PCDHA8: variants seen among roughly 807,000 people sequenced by gnomAD.
The protein encoded by PCDHA8 is protocadherin alpha 8.
A neutral mutation model predicts 61.8 loss-of-function variants in PCDHA8; 53 were observed. The observed-to-expected ratio is 0.86, with a 90% confidence interval of 0.69 to 1.08. PCDHA8 has a LOEUF of 1.08. Ranked by LOEUF, PCDHA8 falls within the 50% of genes least tolerant of loss-of-function variation. PCDHA8 has a pLI of 0.00. For missense variants in PCDHA8, 1,293 were observed against 1,245.0 expected, an observed-to-expected ratio of 1.04 and a Z score of -0.58; for synonymous variants, 618 against 556.6, an observed-to-expected ratio of 1.11 and a Z score of -1.55.
chr5:140,995,654 A>C (rs1183016354), intron 3 of PCDHA8, among the ~76,000 whole-genome samples: 2 of 152,184 alleles, frequency 1.3e-5, no homozygotes, highest in Non-Finnish European at 1.5e-5. Flanking sequence ...AGGAGAATCG[A>C]AAAGGGAAGT....
At chr5:140,968,961 A>G (rs1554231270) in intron 1 of PCDHA8, 1 of 1,614,088 alleles carries the variant, frequency 6.2e-7, no homozygotes, top group African/African-American at 1.3e-5. Context: ...ATCAAGTGCT[A>G]CCGCTACACT....
At chr5:141,005,633 C>T (rs1292206901) in intron 3 of PCDHA8, among the ~76,000 whole-genome samples, 2 of 126,368 alleles carry the variant, frequency 1.6e-5, no homozygotes. Context: ...ACCCGGGAGG[C>T]GGAGCTTGCA....
chr5:140,865,903 ATCTT>A (rs1453140496), intron 1 of PCDHA8: 10 of 152,252 alleles, frequency 6.6e-5, no homozygotes, highest in African/African-American at 1.9e-4. Flanking sequence ...GTACAGGCAA[ATCTT>A]TCTTTCTGTT....
At chr5:140,882,545 G>C (rs1174281421) in intron 1 of PCDHA8, 1 of 1,614,120 alleles carries the variant, frequency 6.2e-7, no homozygotes, top group African/African-American at 1.3e-5. Flanking sequence ...GATCGACCGC[G>C]AGGAGCTGTG....
At chr5:140,868,631 TTCTC>T (rs1180172037) in intron 1 of PCDHA8, 2 of 154,616 alleles carry the variant, frequency 1.3e-5, no homozygotes, top group African/African-American at 4.8e-5. Flanking sequence ...TGAATTCTCT[TTCTC>T]TCTCACTCTG....
intron 1 of PCDHA8, among the ~76,000 whole-genome samples, chr5:140,890,189 G>C (rs1262049301): frequency 1.3e-5 from 2 of 152,102 alleles, no homozygotes; most frequent in Non-Finnish European, 2.9e-5. Context: ...CTACAAAACA[G>C]AGTTTTTTGT....
intron 1 of PCDHA8, among the ~76,000 whole-genome samples, chr5:140,888,860 A>C (rs1349587487): frequency 6.6e-6 from 1 of 152,086 alleles, no homozygotes; most frequent in Non-Finnish European, 1.5e-5. Flanking sequence ...GAGTGAGACC[A>C]TGTCTCAACA....
chr5:141,011,822 A>G lies in PCDHA8; in HGVS notation c.*1885A>G, dbSNP rs181852141. 7 of 153,844 alleles carry G rather than the reference A, an allele frequency of 4.6e-5. No homozygotes were observed. The highest frequency in any genetic ancestry group is 1.4e-4 in the African/African-American group (6 of 41,546). The allele number at this position is 153,844 out of a possible 1,614,324, so 9.5% of individuals were successfully genotyped here. A position where few individuals can be genotyped will look rare whatever the true frequency, so the allele number is the denominator to read the frequency against. On this transcript the variant is annotated 3_prime_UTR_variant, in exon 4 of 4. Transcript: ENST00000531613. ...ATATCAGCTCATAGAAAGTAACAAA[A>G]TTTGCTGTCACCTTAAATAAGACAT...
chr5:140,929,138 G>C (rs150967804), intron 1 of PCDHA8: 183 of 1,614,054 alleles, frequency 1.1e-4, no homozygotes, highest in Non-Finnish European at 1.5e-4. Context: ...ACAGTTGAGA[G>C]ACTTTCTCAG....
chr5:140,941,191 T>TTTC (rs1487503403), intron 1 of PCDHA8, among the ~76,000 whole-genome samples: 199 of 93,252 alleles, frequency 2.1e-3, no homozygotes, highest in Middle Eastern at 0.015. Flanking sequence ...GCTTCTTTTT[T>TTTC]TTTCTTTCTT....
chr5:140,857,393 G>T, intron 1 of PCDHA8: 1 of 1,598,492 alleles, frequency 6.3e-7, no homozygotes, highest in South Asian at 1.1e-5. Context: ...CGACGTGAAC[G>T]ACAACGCGCC....
intron 1 of PCDHA8, among the ~76,000 whole-genome samples, chr5:140,945,624 C>T (rs1248945489): frequency 6.6e-6 from 1 of 152,028 alleles, no homozygotes; most frequent in African/African-American, 2.4e-5. Flanking sequence ...ATGGTACTGG[C>T]ATAAAAGACA....
At chr5:140,971,743 A>G (rs979953004) in intron 1 of PCDHA8, among the ~76,000 whole-genome samples, 1 of 151,474 alleles carries the variant, frequency 6.6e-6, no homozygotes, top group African/African-American at 2.4e-5. Flanking sequence ...ACACATACAT[A>G]TATCTCATAT....
Position 140,851,360 on chromosome 5 carries a change from A to C in PCDHA8, c.2394+7645A>C, listed in dbSNP as rs1554145369. 3.1e-6 allele frequency: 3 copies of C among 978,096 alleles called. No homozygotes were observed. In the African/African-American group the frequency reaches 5.2e-5, roughly 17 times the overall value. 60.6% of individuals were successfully genotyped at this position (978,096 alleles called of 1,614,324 possible). On this transcript the variant is annotated intron_variant, in intron 1 of 3. Transcript: ENST00000531613. ...TACATTTCTCTGGATGGAGACTGTG[A>C]ACATCTGATTGTTCAGCAACCTTCA...
At chr5:140,952,057 C>T (rs1214818651) in intron 1 of PCDHA8, among the ~76,000 whole-genome samples, 1 of 152,164 alleles carries the variant, frequency 6.6e-6, no homozygotes, top group Non-Finnish European at 1.5e-5. Flanking sequence ...AATCTTAAAG[C>T]TCCAAATAAT....
At chr5:140,951,373 C>T (rs1554219872) in intron 1 of PCDHA8, among the ~76,000 whole-genome samples, 1 of 151,996 alleles carries the variant, frequency 6.6e-6, no homozygotes, top group Non-Finnish European at 1.5e-5. Context: ...AAAGAAACAC[C>T]CAAGACTCGG....
intron 3 of PCDHA8, among the ~76,000 whole-genome samples, chr5:141,004,893 C>A (rs1339074840): frequency 1.3e-5 from 2 of 152,154 alleles, no homozygotes; most frequent in African/African-American, 4.8e-5. Flanking sequence ...ATTGTGTCAG[C>A]TCTGCCAGGG....
chr5:140,925,641 TATAATA>T (rs10569930), intron 1 of PCDHA8, among the ~76,000 whole-genome samples: 8,694 of 143,320 alleles, frequency 0.061, 267 homozygotes, highest in Non-Finnish European at 0.068. Flanking sequence ...GAACTTAAAG[TATAATA>T]ATAATAATAA....
intron 1 of PCDHA8, chr5:140,858,148 C>A: frequency 6.3e-7 from 1 of 1,597,640 alleles, no homozygotes; most frequent in Non-Finnish European, 8.6e-7. Context: ...ACCTGATCAT[C>A]GCCATCTGCG....
Sources: gnomAD v4.1 joint callset for allele counts (sites outside exome capture counted in the v4.1 genomes callset) on GRCh38, gnomAD v4.1.1 for gene constraint, MANE v1.5 for transcripts, NCBI Gene and HGNC (gene_info 2026-07-23, HGNC 2026-07-21) for gene names.